The following SH3D19 variants were observed in gnomAD, a reference collection of about 807,000 sequenced individuals.
The protein encoded by SH3D19 is SH3 domain-containing protein 19.
In SH3D19, 58 loss-of-function variants were observed where a neutral mutation model predicts 112.1. The ratio of observed to expected loss-of-function variants is 0.52; its 90% CI spans 0.42 to 0.64. The LOEUF (loss-of-function observed/expected upper bound fraction) is 0.64. Among genes scored for constraint, SH3D19 ranks in the 30% least tolerant of loss-of-function variants. The pLI is 0.00. For missense variants in SH3D19, 1,090 were observed against 1,263.4 expected (o/e 0.86, Z 2.08); for synonymous variants, 391 against 448.5 (o/e 0.87, Z 1.62).
intron 1 of SH3D19, among the ~76,000 whole-genome samples, chr4:151,229,887 C>A (rs1004196359): frequency 6.6e-5 from 10 of 152,210 alleles, no homozygotes; most frequent in Admixed American, 6.5e-4. Context: ...TGCATTCCAG[C>A]CTGGGTGACG....
intron 1 of SH3D19, among the ~76,000 whole-genome samples, chr4:151,264,427 CAAAAAAAAA>C (rs34271780): frequency 9.4e-6 from 1 of 106,104 alleles, no homozygotes; most frequent in African/African-American, 3.7e-5. Flanking sequence ...GACTCTGTCT[CAAAAAAAAA>C]AAAAAAAACC....
At chr4:151,129,190 T>A (rs1385723190) in intron 17 of SH3D19, among the ~76,000 whole-genome samples, 2 of 152,146 alleles carry the variant, frequency 1.3e-5, no homozygotes, top group East Asian at 1.9e-4. Context: ...ACTTTTAATT[T>A]TATGAGCTGT....
intron 3 of SH3D19, among the ~76,000 whole-genome samples, chr4:151,186,792 T>A (rs1197775313): frequency 1.4e-5 from 2 of 142,290 alleles, no homozygotes; most frequent in African/African-American, 5.6e-5. Flanking sequence ...AATGGTTACA[T>A]AATTTTTTTT....
In SH3D19 at chr4:151,318,141, C is replaced by CA. The variant is rs201771347; in HGVS notation, c.112+7099dup. On this transcript the variant is annotated intron_variant, in intron 1 of 19. Coordinates refer to ENST00000604030, the MANE Select transcript of SH3D19 (RefSeq NM_001378122.1). ...TGAAACCCTGTCTCTAATAAAAATA[C>CA]AAAAAAAAAATTAGCCGGGCATGGT... Among the ~76,000 whole-genome samples, 1,209 of 144,858 alleles carry CA rather than the reference C, an allele frequency of 8.3e-3. 15 individuals carry two copies. The highest frequency in any genetic ancestry group is 0.029 in the African/African-American group (1,142 of 39,548).
intron 1 of SH3D19, among the ~76,000 whole-genome samples, chr4:151,275,903 C>T (rs995593096): frequency 1.0e-4 from 15 of 145,554 alleles, no homozygotes; most frequent in East Asian, 2.0e-4. Context: ...AGTGCAGTGG[C>T]GCCATCTTGG....
chr4:151,148,984 G>A (rs1440426346), intron 10 of SH3D19, among the ~76,000 whole-genome samples: 1 of 152,154 alleles, frequency 6.6e-6, no homozygotes, highest in Admixed American at 6.6e-5. Flanking sequence ...GTTGCAGTGA[G>A]CTGAGATCGC....
intron 11 of SH3D19, 96 bp downstream of exon 11, chr4:151,147,826 C>T (rs1754198317): frequency 6.9e-7 from 1 of 1,449,050 alleles, no homozygotes; most frequent in Non-Finnish European, 9.3e-7. Flanking sequence ...GACAATTCCA[C>T]ATTTGTTCCA....
At chr4:151,257,891 G>C (rs1463898246) in intron 1 of SH3D19, among the ~76,000 whole-genome samples, 3 of 152,136 alleles carry the variant, frequency 2.0e-5, no homozygotes, top group African/African-American at 7.2e-5. Context: ...GCCTAGGTAA[G>C]AGAGTGAGAG....
chr4:151,254,746 C>A (rs1337892577), intron 1 of SH3D19, among the ~76,000 whole-genome samples: 1 of 150,952 alleles, frequency 6.6e-6, no homozygotes, highest in Non-Finnish European at 1.5e-5. Flanking sequence ...CGGCAACCAT[C>A]CGATTTCTCA....
chr4:151,286,530 A>G (rs6535785), intron 1 of SH3D19, among the ~76,000 whole-genome samples: 53,757 of 150,920 alleles, frequency 0.36, 10,659 homozygotes, highest in Non-Finnish European at 0.46. Context: ...ACAAACTACC[A>G]TAACTTACCT....
Position 151,325,238 on chromosome 4 carries a change from C to T in SH3D19, c.112+3G>A. On this transcript the variant is annotated splice_donor_region_variant and intron_variant, in intron 1 of 19. Coordinates refer to ENST00000604030, the MANE Select transcript of SH3D19 (RefSeq NM_001378122.1). ...CCGCCGCCCCGTCCCCCGCGCCTCTCACCTGCGGCCGAGTGGCCCGAGAGC... is the reference window on the plus strand; with the variant it reads ...CCGCCGCCCCGTCCCCCGCGCCTCTTACCTGCGGCCGAGTGGCCCGAGAGC... 1 of 1,220,024 alleles carries T rather than the reference C, an allele frequency of 8.2e-7. No individual in the cohort carries two copies. Among genetic ancestry groups the T allele is most frequent in the Non-Finnish European group, 1.0e-6 (1 of 980,006 alleles). 75.6% of individuals were successfully genotyped at this position (1,220,024 alleles called of 1,614,324 possible). A position where few individuals can be genotyped will look rare whatever the true frequency, so the allele number is the denominator to read the frequency against.
In SH3D19 at chr4:151,181,555, C is replaced by T. The variant is rs552830392; in HGVS notation, c.194-2158G>A. The T allele has an allele frequency of 2.0e-5, 3 of 152,272 alleles. No individual in the cohort carries two copies. In the South Asian group the frequency reaches 6.2e-4, roughly 32 times the overall value. The allele number at this position is 152,272 out of a possible 1,614,324, so 9.4% of individuals were successfully genotyped here. On this transcript the variant is annotated intron_variant, in intron 3 of 19. Transcript: ENST00000604030. ...GAGGCTAGAGCTCTGCATGGTGTGT[C>T]TGATTTGTAAGAATGGTTTCATTAA...
chr4:151,137,905 T>G, intron 13 of SH3D19, 43 bp from the exon 14 acceptor site: 2 of 1,531,650 alleles, frequency 1.3e-6, no homozygotes, highest in Non-Finnish European at 1.8e-6. Context: ...ATCATCCTGG[T>G]TGCAGATTTG....
intron 1 of SH3D19, among the ~76,000 whole-genome samples, chr4:151,253,656 G>T (rs1453305507): frequency 2.6e-5 from 4 of 152,036 alleles, no homozygotes; most frequent in Non-Finnish European, 5.9e-5. Flanking sequence ...CAGGAGAATG[G>T]TGTGAACCGG....
Position 151,142,654 on chromosome 4 carries a change from G to C in SH3D19, c.2223+1256C>G, listed in dbSNP as rs569079952. ...GGCAACAACCTTCCACTTTTCCCAT[G>C]ATCTGTCTGATTCAACCACAACTGG... On this transcript the variant is annotated intron_variant, in intron 12 of 19. Coordinates refer to ENST00000604030, the MANE Select transcript of SH3D19 (RefSeq NM_001378122.1). Among the ~76,000 whole-genome samples, 33 of 152,152 alleles carry C rather than the reference G, an allele frequency of 2.2e-4. No homozygotes were observed. The South Asian group carries it at 3.5e-3, about 16-fold the overall frequency.
intron 1 of SH3D19, among the ~76,000 whole-genome samples, chr4:151,250,738 A>G (rs1049798067): frequency 1.3e-5 from 2 of 152,220 alleles, no homozygotes; most frequent in African/African-American, 4.8e-5. Context: ...ATTAATTCTC[A>G]GATTTCTTTC....
chr4:151,232,491 T>C (rs956811490), intron 1 of SH3D19, among the ~76,000 whole-genome samples: 46 of 152,232 alleles, frequency 3.0e-4, no homozygotes, highest in African/African-American at 1.1e-3. Context: ...TGCCGTCATG[T>C]TGTTAAAAGG....
chr4:151,143,160 C>G (rs550612278), intron 12 of SH3D19, among the ~76,000 whole-genome samples: 1 of 151,020 alleles, frequency 6.6e-6, no homozygotes, highest in African/African-American at 2.4e-5. Context: ...TTGCTTGAGC[C>G]GGGAAGGTCA....
intron 1 of SH3D19, among the ~76,000 whole-genome samples, chr4:151,318,124 T>G (rs1383136332): frequency 6.6e-6 from 1 of 151,148 alleles, no homozygotes; most frequent in Non-Finnish European, 1.5e-5. Flanking sequence ...GGTGAAACCC[T>G]GTCTCTAATA....
Sources: gnomAD v4.1 joint callset for allele counts (sites outside exome capture counted in the v4.1 genomes callset) on GRCh38, gnomAD v4.1.1 for gene constraint, MANE v1.5 for transcripts, NCBI Gene and HGNC (gene_info 2026-07-23, HGNC 2026-07-21) for gene names.